INVS: variants seen among roughly 807,000 people sequenced by gnomAD.
INVS encodes inversin.
In INVS, 86 loss-of-function variants were observed where a neutral mutation model predicts 108.8. The ratio of observed to expected loss-of-function variants is 0.79; its 90% CI spans 0.66 to 0.95. The LOEUF (loss-of-function observed/expected upper bound fraction) is 0.95, where lower values mean the gene tolerates loss of function less well. INVS is among the 40% of genes least tolerant of loss of function. The probability of loss-of-function intolerance (pLI) is 0.00; values close to 1 mark genes in which losing one functional copy is unlikely to be tolerated. For synonymous variants in INVS, 455 were observed against 473.5 expected (o/e 0.96, Z 0.51); for missense variants, 1,169 against 1,297.4 (o/e 0.90, Z 1.52).
At chr9:100,289,597 C>A (rs1163894782) in intron 13 of INVS, among the ~76,000 whole-genome samples, 3 of 152,216 alleles carry the variant, frequency 2.0e-5, no homozygotes, top group African/African-American at 4.8e-5. Flanking sequence ...GCCAAGATGG[C>A]CGCCTTCATA....
In INVS at chr9:100,251,017, T is replaced by C. The variant is rs1588122258; in HGVS notation, c.1079-1266T>C. The stretch of plus-strand genomic sequence containing the variant: ...TCAAAATACGCTGTCTTTTTCATGG[T>C]TCAGGTCTCAACTTAAATGTCAGCT... On this transcript the variant is annotated intron_variant, in intron 8 of 16. Transcript: ENST00000262457. Among the ~76,000 whole-genome samples, 3 of 152,222 alleles carry C rather than the reference T, an allele frequency of 2.0e-5. No individual in the cohort carries two copies. The South Asian group carries it at 6.2e-4, about 32-fold the overall frequency.
chr9:100,115,412 G>A (rs935735938), intron 2 of INVS, among the ~76,000 whole-genome samples: 6 of 151,856 alleles, frequency 4.0e-5, no homozygotes, highest in Admixed American at 6.6e-5. Flanking sequence ...CCATTAACTC[G>A]TCATTTACAT....
chr9:100,207,521 G>A (rs1830710253), intron 3 of INVS, among the ~76,000 whole-genome samples: 1 of 151,994 alleles, frequency 6.6e-6, no homozygotes, highest in African/African-American at 2.4e-5. Context: ...TCAAACTCCT[G>A]ACCTCAGGTG....
chr9:100,175,063 CT>C (rs1355824959), intron 3 of INVS: 1 of 208,624 alleles, frequency 4.8e-6, no homozygotes, highest in East Asian at 1.2e-4. Flanking sequence ...CTTCTTCATA[CT>C]TTCACTTCTG....
intron 10 of INVS, 63 bp downstream of exon 10, chr9:100,253,199 G>A (rs1832296617): frequency 1.6e-6 from 2 of 1,258,168 alleles, no homozygotes; most frequent in African/African-American, 1.5e-5. Context: ...CTTCTTTGTT[G>A]TAAACATAAG....
chr9:100,181,317 G>A (rs1400931612), intron 3 of INVS, among the ~76,000 whole-genome samples: 1 of 152,184 alleles, frequency 6.6e-6, no homozygotes, highest in African/African-American at 2.4e-5. Flanking sequence ...TAGGAAGAGA[G>A]GAAGCCAAAT....
At chr9:100,175,280 T>C in intron 3 of INVS, 1 of 663,252 alleles carries the variant, frequency 1.5e-6, no homozygotes, top group Non-Finnish European at 2.8e-6. Context: ...CAAAACAAAC[T>C]ATCCATCCTT....
rs372964915 is a variant in INVS, at chr9:100,273,039, A to G, written c.1747A>G (p.Met583Val). The part of the protein sequence containing the change: ...KAFRDRKNLL[M>V]KHEQLRKDAA... ...CTTCCGAGACAGGAAAAATCTCCTC[A>G]TGAAGCATGAACAGTTGAGAAAAGA... Residue 583 changes from methionine to valine, a missense_variant, in exon 12 of 17, where the codon ATG becomes GTG. Met to Val is a conservative substitution (Grantham distance 21). This residue lies in a region of INVS where 271 missense variants were observed against 363.8 expected (regional missense o/e 0.74). Transcript: ENST00000262457. The G allele has an allele frequency of 3.1e-6, 5 of 1,614,030 alleles. No homozygotes were observed. The highest frequency in any genetic ancestry group is 4.2e-6 in the Non-Finnish European group (5 of 1,179,992).
intron 3 of INVS, among the ~76,000 whole-genome samples, chr9:100,145,748 C>T (rs1008136380): frequency 4.6e-5 from 7 of 152,116 alleles, no homozygotes; most frequent in Admixed American, 2.0e-4. Flanking sequence ...GTCGTCCCCA[C>T]GTGATTAAAC....
chr9:100,168,050 T>C (rs182138195), intron 3 of INVS, among the ~76,000 whole-genome samples: 1 of 152,264 alleles, frequency 6.6e-6, no homozygotes, highest in African/African-American at 2.4e-5. Flanking sequence ...TTCTTTCTTT[T>C]TTTTTCTTCT....
At position 100,227,508 on chromosome 9, in the gene INVS, A is replaced by T. The variant is rs561021823; in HGVS notation, c.447+1273A>T. ...AAGCCAGTCTTATAGAATTATGTTG[A>T]CGAGAACAGCAGAAGAGATTTTAAA... is the stretch of plus-strand genomic sequence containing the variant. On this transcript the variant is annotated intron_variant, in intron 4 of 16. Coordinates refer to ENST00000262457, the MANE Select transcript of INVS (RefSeq NM_014425.5). 2.1e-5 allele frequency among the ~76,000 whole-genome samples: 3 copies of T among 143,882 alleles called. No homozygotes were observed. The East Asian group carries it at 5.8e-4, about 28-fold the overall frequency. 94.4% of individuals were successfully genotyped at this position (143,882 alleles called of 152,430 possible).
intron 3 of INVS, among the ~76,000 whole-genome samples, chr9:100,182,282 A>T (rs1829913759): frequency 6.6e-6 from 1 of 152,210 alleles, no homozygotes; most frequent in Non-Finnish European, 1.5e-5. Context: ...AATTAAACTA[A>T]AGAGCTTTGG....
At chr9:100,267,752 CT>C (rs997742105) in intron 11 of INVS, among the ~76,000 whole-genome samples, 8 of 152,304 alleles carry the variant, frequency 5.3e-5, no homozygotes, top group African/African-American at 1.9e-4. Flanking sequence ...TATGATCACA[CT>C]TGTTTTAAAT....
intron 3 of INVS, among the ~76,000 whole-genome samples, chr9:100,219,467 A>G (rs1165814845): frequency 1.3e-5 from 2 of 152,098 alleles, no homozygotes; most frequent in East Asian, 1.9e-4. Flanking sequence ...AAAAACTGTA[A>G]CCGTCAGATT....
intron 3 of INVS, among the ~76,000 whole-genome samples, chr9:100,156,342 C>T (rs1472645398): frequency 6.8e-6 from 1 of 147,192 alleles, no homozygotes; most frequent in African/African-American, 2.6e-5. Flanking sequence ...CTCACTGCTA[C>T]CTCTGTCTCC....
intron 3 of INVS, among the ~76,000 whole-genome samples, chr9:100,181,218 C>T (rs1431079922): frequency 6.6e-6 from 1 of 152,170 alleles, no homozygotes; most frequent in Admixed American, 6.6e-5. Flanking sequence ...AAAACTGGCA[C>T]ATGACAAGGA....
At chr9:100,118,089 A>G (rs575167351) in intron 2 of INVS, among the ~76,000 whole-genome samples, 83 of 139,060 alleles carry the variant, frequency 6.0e-4, no homozygotes, top group Non-Finnish European at 7.4e-4. Flanking sequence ...TTTTTTAGAT[A>G]TGGGGTCTTG....
At chr9:100,270,816 G>T (rs1050973338) in intron 11 of INVS, among the ~76,000 whole-genome samples, 35 of 151,034 alleles carry the variant, frequency 2.3e-4, no homozygotes, top group Non-Finnish European at 4.3e-4. Context: ...CAGCTATTTG[G>T]GGGGCTGAGG....
rs1833805818 is a variant in INVS, at chr9:100,296,857, G to A, written c.2787-60G>A. 1.3e-5 allele frequency: 17 copies of A among 1,353,342 alleles called. No homozygotes were observed. In the South Asian group the frequency reaches 1.8e-4, roughly 14 times the overall value. 83.8% of individuals were successfully genotyped at this position (1,353,342 alleles called of 1,614,324 possible). On this transcript the variant is annotated intron_variant, in intron 14 of 16. Transcript: ENST00000262457. ...TCCTATAGCTTCTAGAAACCTTAAG[G>A]AAATTTAGTTTTCTCAGTACTGTGA...
Sources: allele counts gnomAD v4.1 joint callset (sites outside exome capture counted in the v4.1 genomes callset), GRCh38; gene constraint gnomAD v4.1.1; regional missense constraint gnomAD v4.1.1; transcripts MANE v1.5; gene names NCBI Gene and HGNC (gene_info 2026-07-23, HGNC 2026-07-21).